Variants in RAB38 observed in about 807,000 individuals in gnomAD.
RAB38 encodes the protein ras-related protein Rab-38.
Under a neutral mutation model 18.4 loss-of-function variants are expected in RAB38, and 15 were observed. The observed-to-expected ratio is 0.82, with a 90% CI of 0.55 to 1.26. RAB38 has a LOEUF of 1.26. RAB38 is among the 50% of genes most tolerant of loss of function. The pLI is 0.00. For missense variants in RAB38, 294 were observed against 267.4 expected, an observed-to-expected ratio of 1.10 and a Z score of -0.69; for synonymous variants, 101 against 104.4, an observed-to-expected ratio of 0.97 and a Z score of 0.20.
At chr11:87,961,068 T>C in the RAB38 span, among the ~76,000 whole-genome samples, 1 of 152,168 alleles carries the variant, frequency 6.6e-6, no homozygotes. Context: ...TCTCTTTTCA[T>C]GCTGTGCCTA....
At chr11:87,878,359 TATC>T in the RAB38 span, among the ~76,000 whole-genome samples, 2 of 150,618 alleles carry the variant, frequency 1.3e-5, no homozygotes, top group Non-Finnish European at 3.0e-5. Context: ...TCTGTCTATC[TATC>T]ATCTATCTAT....
the RAB38 span, among the ~76,000 whole-genome samples, chr11:88,107,172 T>C: frequency 2.0e-5 from 3 of 152,174 alleles, no homozygotes; most frequent in African/African-American, 4.8e-5. Context: ...ATTTAAAGTA[T>C]AGCATTCAGT....
chr11:88,146,906 T>C (rs150192618), intron 2 of RAB38, among the ~76,000 whole-genome samples: 7 of 152,314 alleles, frequency 4.6e-5, no homozygotes, highest in Non-Finnish European at 7.4e-5. Flanking sequence ...CTCTTCAAAG[T>C]TCACACTTAG....
chr11:88,104,287 C>A, the RAB38 span, among the ~76,000 whole-genome samples: 1 of 139,482 alleles, frequency 7.2e-6, no homozygotes, highest in African/African-American at 2.8e-5. Flanking sequence ...TATTTTCTTA[C>A]GTTAAATGTC....
chr11:88,077,484 C>T, the RAB38 span, among the ~76,000 whole-genome samples: 1 of 151,984 alleles, frequency 6.6e-6, no homozygotes. Flanking sequence ...AATGCAGAAC[C>T]CAGATATAAG....
At chr11:87,858,584 T>A in the RAB38 span, among the ~76,000 whole-genome samples, 1 of 152,098 alleles carries the variant, frequency 6.6e-6, no homozygotes, top group East Asian at 1.9e-4. Flanking sequence ...ACACAAAAAA[T>A]TTATTCAAGA....
At chr11:88,030,812 G>A in the RAB38 span, among the ~76,000 whole-genome samples, 1 of 152,078 alleles carries the variant, frequency 6.6e-6, no homozygotes, top group Admixed American at 6.6e-5. Context: ...AGGAGGAACT[G>A]GTACCATTCC....
At chr11:88,172,110 C>G (rs552113358) in intron 1 of RAB38, among the ~76,000 whole-genome samples, 14 of 152,346 alleles carry the variant, frequency 9.2e-5, no homozygotes, top group African/African-American at 3.4e-4. Flanking sequence ...AACAGCAAGG[C>G]TTGACTCTGA....
At chr11:87,975,345 A>G in the RAB38 span, among the ~76,000 whole-genome samples, 1 of 151,896 alleles carries the variant, frequency 6.6e-6, no homozygotes, top group Admixed American at 6.6e-5. Flanking sequence ...ATTCAGCCAA[A>G]ATGGTTTTCA....
chr11:87,936,207 C>G, the RAB38 span, among the ~76,000 whole-genome samples: 1 of 152,022 alleles, frequency 6.6e-6, no homozygotes, highest in South Asian at 2.1e-4. Flanking sequence ...AGTCTATAAA[C>G]TCTTTGCCTA....
chr11:87,942,574 T>C, the RAB38 span, among the ~76,000 whole-genome samples: 1 of 152,106 alleles, frequency 6.6e-6, no homozygotes, highest in African/African-American at 2.4e-5. Context: ...GATTAAGACT[T>C]GACTTGAGGG....
chr11:88,161,201 C>T (rs1031593444), intron 1 of RAB38, among the ~76,000 whole-genome samples: 5 of 152,242 alleles, frequency 3.3e-5, no homozygotes, highest in Middle Eastern at 3.4e-3. Flanking sequence ...GCTCCATGGC[C>T]AAGTCCCATT....
At chr11:88,019,910 A>G in the RAB38 span, among the ~76,000 whole-genome samples, 1 of 152,184 alleles carries the variant, frequency 6.6e-6, no homozygotes, top group South Asian at 2.1e-4. Flanking sequence ...TTTGTGGTCT[A>G]TCTCCTCCAA....
the RAB38 span, among the ~76,000 whole-genome samples, chr11:87,844,578 G>T: frequency 6.6e-6 from 1 of 152,116 alleles, no homozygotes; most frequent in Non-Finnish European, 1.5e-5. Flanking sequence ...TAACCACTAT[G>T]TTCTATTCCC....
the RAB38 span, among the ~76,000 whole-genome samples, chr11:88,088,673 T>A: frequency 1.3e-5 from 2 of 152,026 alleles, no homozygotes; most frequent in Non-Finnish European, 2.9e-5. Flanking sequence ...GTTAGTTTTT[T>A]TTTTAGGTGT....
the RAB38 span, among the ~76,000 whole-genome samples, chr11:87,874,011 C>A: frequency 6.8e-6 from 1 of 147,426 alleles, no homozygotes; most frequent in Non-Finnish European, 1.5e-5. Flanking sequence ...TGTGGTTTCC[C>A]TTTTTATTTT....
At chr11:87,943,379 A>C in the RAB38 span, among the ~76,000 whole-genome samples, 1 of 152,140 alleles carries the variant, frequency 6.6e-6, no homozygotes, top group African/African-American at 2.4e-5. Context: ...TGCACTCTAC[A>C]TCTTTCTACC....
chr11:87,811,700 T>C, the RAB38 span, among the ~76,000 whole-genome samples: 5 of 152,320 alleles, frequency 3.3e-5, no homozygotes, highest in East Asian at 9.6e-4. Context: ...TTTTATTGTG[T>C]TGCTTTTTAA....
At chr11:87,943,331 A>G in the RAB38 span, among the ~76,000 whole-genome samples, 2 of 152,202 alleles carry the variant, frequency 1.3e-5, no homozygotes, top group East Asian at 3.9e-4. Flanking sequence ...TGGGTTGATG[A>G]TACATGGCTA....
Sources: allele counts gnomAD v4.1 joint callset (sites outside exome capture counted in the v4.1 genomes callset), GRCh38; gene constraint gnomAD v4.1.1; transcripts MANE v1.5; gene names NCBI Gene and HGNC (gene_info 2026-07-23, HGNC 2026-07-21).